STAG1: variants seen among roughly 807,000 people sequenced by gnomAD.
STAG1 encodes cohesin subunit SA-1.
STAG1 carries 26 observed loss-of-function variants against 170.9 expected under a neutral mutation model. The ratio of observed to expected loss-of-function variants is 0.15; its 90% CI spans 0.11 to 0.21. The LOEUF is 0.21. Ranked by LOEUF, STAG1 falls within the 10% of genes least tolerant of loss-of-function variation. The pLI, the probability that STAG1 is intolerant of heterozygous loss-of-function variation, is 1.00. For synonymous variants in STAG1, 514 were observed against 497.7 expected (o/e 1.03, Z -0.44); for missense variants, 964 against 1,509.5 (o/e 0.64, Z 5.99).
intron 1 of STAG1, among the ~76,000 whole-genome samples, chr3:136,648,236 A>G (rs924162977): frequency 1.3e-5 from 2 of 152,230 alleles, no homozygotes; most frequent in African/African-American, 4.8e-5. Flanking sequence ...ATGGTTGTTA[A>G]CCAGAACAGA....
At chr3:136,535,951 A>C (rs1935600124) in intron 6 of STAG1, among the ~76,000 whole-genome samples, 2 of 152,234 alleles carry the variant, frequency 1.3e-5, no homozygotes, top group Admixed American at 1.3e-4. Flanking sequence ...TAACAAATAT[A>C]AATGTGATTT....
intron 22 of STAG1, among the ~76,000 whole-genome samples, chr3:136,389,972 C>T (rs549637625): frequency 1.3e-4 from 20 of 151,914 alleles, no homozygotes; most frequent in Middle Eastern, 6.8e-3. Context: ...GCTGGGACTA[C>T]AGGTGCCCGC....
intron 5 of STAG1, among the ~76,000 whole-genome samples, chr3:136,563,688 T>C (rs969837648): frequency 2.0e-5 from 3 of 150,844 alleles, no homozygotes. Flanking sequence ...TTGCATACTG[T>C]AGATATTATT....
chr3:136,607,391 T>C (rs1939011000), intron 3 of STAG1, among the ~76,000 whole-genome samples: 1 of 152,170 alleles, frequency 6.6e-6, no homozygotes, highest in South Asian at 2.1e-4. Flanking sequence ...TCTAATTCAA[T>C]ACTATTTGTT....
At chr3:136,689,786 A>G (rs187273876) in intron 1 of STAG1, among the ~76,000 whole-genome samples, 299 of 152,256 alleles carry the variant, frequency 2.0e-3, no homozygotes, top group African/African-American at 6.9e-3. Flanking sequence ...CATACCTGTA[A>G]TCTCAGCACT....
In STAG1 at chr3:136,658,151, C is replaced by CACTGAGCTATGATCG. The variant is rs571085928; in HGVS notation, c.-83-27171_-83-27170insCGATCATAGCTCAGT. Among the ~76,000 whole-genome samples the CACTGAGCTATGATCG allele has an allele frequency of 4.4e-3, 662 of 151,148 alleles. 5 individuals carry two copies. The highest frequency in any genetic ancestry group is 0.015 in the African/African-American group (631 of 41,088). On this transcript the variant is annotated intron_variant, in intron 1 of 33. Coordinates refer to ENST00000383202, the MANE Select transcript of STAG1 (RefSeq NM_005862.3). ...GTTACACTGAGCTATGATCGTGCCA[C>CACTGAGCTATGATCG]TGTACTCCAGCCTAGGTGACAGAGC...
intron 6 of STAG1, among the ~76,000 whole-genome samples, chr3:136,539,830 C>T (rs908003277): frequency 1.3e-5 from 2 of 152,130 alleles, no homozygotes; most frequent in Admixed American, 1.3e-4. Context: ...AGAATAGGAA[C>T]CAAAGTGTAC....
chr3:136,341,814 T>G (rs1935982355), intron 30 of STAG1, among the ~76,000 whole-genome samples: 1 of 152,204 alleles, frequency 6.6e-6, no homozygotes, highest in Non-Finnish European at 1.5e-5. Flanking sequence ...AGACCTCTGT[T>G]TTGGGCTGGT....
At chr3:136,557,202 C>T (rs1044170935) in intron 5 of STAG1, among the ~76,000 whole-genome samples, 4 of 152,038 alleles carry the variant, frequency 2.6e-5, no homozygotes, top group African/African-American at 9.7e-5. Context: ...CGCACCACTG[C>T]ACTCCAGCCT....
At position 136,438,336 on chromosome 3, in the gene STAG1, C is replaced by A. The variant is rs527885628; in HGVS notation, c.1547-4677G>T. ...CTGCCGGGTTCCTGTGATTCTCCTG[C>A]CTCAGTCTCCCGAGTAGCTGGGATG... On this transcript the variant is annotated intron_variant, in intron 15 of 33. Coordinates refer to ENST00000383202, the MANE Select transcript of STAG1 (RefSeq NM_005862.3). Among the ~76,000 whole-genome samples, 255 of 149,116 alleles carry A rather than the reference C, an allele frequency of 1.7e-3. No individual in the cohort carries two copies. The South Asian group carries it at 0.026, about 15-fold the overall frequency.
At chr3:136,434,280 A>G (rs866613928) in intron 15 of STAG1, among the ~76,000 whole-genome samples, 1 of 152,116 alleles carries the variant, frequency 6.6e-6, no homozygotes, top group Non-Finnish European at 1.5e-5. Context: ...AAATCATAAG[A>G]TTATTTATTA....
intron 10 of STAG1, among the ~76,000 whole-genome samples, chr3:136,474,970 G>A (rs551137307): frequency 1.4e-4 from 21 of 151,976 alleles, no homozygotes; most frequent in Non-Finnish European, 2.1e-4. Context: ...AAAGATACAG[G>A]GGTGAAACAG....
In STAG1 at chr3:136,521,312, T is replaced by C. The variant is rs1336954383; in HGVS notation, c.577A>G (p.Ile193Val). The change falls in exon 7 of 34, where the codon ATA (isoleucine) becomes GTA (valine). Residue 193 changes from isoleucine (I) to valine (V), a missense_variant. This residue lies in a region of STAG1 where 40 missense variants were observed against 44.1 expected (regional missense o/e 0.91). Transcript: ENST00000383202. The part of the protein sequence containing the change: ...GVLIRQCQYS[I>V]IYDEYMMDTV... ...TCCATCATATACTCATCATAAATTA[T>C]GCTATACTGACACTGTCGAATCAGG... 1.9e-6 allele frequency: 3 copies of C among 1,613,814 alleles called. No individual in the cohort carries two copies. Among genetic ancestry groups the C allele is most frequent in the Admixed American group, 3.3e-5 (2 of 59,958 alleles).
At chr3:136,510,859 C>T (rs1166260330) in intron 7 of STAG1, among the ~76,000 whole-genome samples, 3 of 152,156 alleles carry the variant, frequency 2.0e-5, no homozygotes, top group African/African-American at 7.2e-5. Flanking sequence ...CTCACTGCAA[C>T]CTCCACCTCC....
intron 4 of STAG1, among the ~76,000 whole-genome samples, chr3:136,570,082 C>G (rs1166871193): frequency 6.6e-6 from 1 of 151,930 alleles, no homozygotes; most frequent in Non-Finnish European, 1.5e-5. Flanking sequence ...TATTTATATA[C>G]AGTAAAATGC....
intron 23 of STAG1, among the ~76,000 whole-genome samples, chr3:136,374,581 C>T (rs1425954910): frequency 1.3e-5 from 2 of 151,336 alleles, no homozygotes; most frequent in Non-Finnish European, 2.9e-5. Context: ...TGTGCCACTG[C>T]ACTCCAGCCT....
chr3:136,559,493 C>T (rs1936754888), intron 5 of STAG1, among the ~76,000 whole-genome samples: 1 of 152,116 alleles, frequency 6.6e-6, no homozygotes, highest in South Asian at 2.1e-4. Flanking sequence ...CAGAGTAGGC[C>T]ATGCCCTTCA....
chr3:136,669,063 C>A (rs769216261), intron 1 of STAG1, among the ~76,000 whole-genome samples: 1 of 152,172 alleles, frequency 6.6e-6, no homozygotes, highest in Non-Finnish European at 1.5e-5. Flanking sequence ...CTCCTTCAAC[C>A]GCAACAGCTC....
At chr3:136,692,282 C>T (rs1391086895) in intron 1 of STAG1, among the ~76,000 whole-genome samples, 4 of 138,470 alleles carry the variant, frequency 2.9e-5, no homozygotes, top group Non-Finnish European at 6.0e-5. Context: ...CCATTGCACT[C>T]CAGCCTGGGT....
Sources: gnomAD v4.1 joint callset for allele counts (sites outside exome capture counted in the v4.1 genomes callset) on GRCh38, gnomAD v4.1.1 for gene constraint, gnomAD v4.1.1 regional missense constraint, MANE v1.5 for transcripts, NCBI Gene and HGNC (gene_info 2026-07-23, HGNC 2026-07-21) for gene names.